UBAP1: variants seen among roughly 807,000 people sequenced by gnomAD.
The protein encoded by UBAP1 is ubiquitin-associated protein 1.
A neutral mutation model predicts 39.0 loss-of-function variants in UBAP1; 5 were observed. The ratio of observed to expected loss-of-function variants is 0.13; its 90% confidence interval spans 0.07 to 0.27. The LOEUF is 0.27. UBAP1 is among the 10% of genes least tolerant of loss of function. The pLI, the probability that UBAP1 is intolerant of heterozygous loss-of-function variation, is 1.00. For missense variants in UBAP1, 490 were observed against 608.1 expected (o/e 0.81, Z 2.04); for synonymous variants, 211 against 225.1 (o/e 0.94, Z 0.56).
intron 1 of UBAP1, among the ~76,000 whole-genome samples, chr9:34,214,550 AT>A: frequency 6.6e-6 from 1 of 152,236 alleles, no homozygotes; most frequent in Non-Finnish European, 1.5e-5. Flanking sequence ...AGAAGGTATC[AT>A]TGGAAAAACC....
rs1193356334 is a variant in UBAP1 at position 34,181,116 on chromosome 9, C to CTTTCTTTTTTTT, written c.-8+1879_-8+1880insCTTTTTTTTTTT. On this transcript the variant is annotated intron_variant, in intron 1 of 6. Coordinates refer to ENST00000297661, the MANE Select transcript of UBAP1 (RefSeq NM_016525.5). Reference sequence around the variant, plus strand: ...TGAGCCACCGCACCCGGCCTGTTTTCTTTTTTTTTTTTTTTTTGAGACAGA... The same window carrying CTTTCTTTTTTTT: ...TGAGCCACCGCACCCGGCCTGTTTTCTTTCTTTTTTTTTTTTTTTTTTTTTTTTTGAGACAGA... Among the ~76,000 whole-genome samples, 52 of 72,262 alleles carry CTTTCTTTTTTTT rather than the reference C, an allele frequency of 7.2e-4. 3 individuals carry two copies. Among genetic ancestry groups the CTTTCTTTTTTTT allele is most frequent in the South Asian group, 1.1e-3 (2 of 1,750 alleles). 47.4% of individuals were successfully genotyped at this position (72,262 alleles called of 152,430 possible).
At chr9:34,212,440 C>A (rs1832071130) in intron 1 of UBAP1, among the ~76,000 whole-genome samples, 1 of 141,530 alleles carries the variant, frequency 7.1e-6, no homozygotes, top group Non-Finnish European at 1.6e-5. Context: ...TAGTTATTTT[C>A]TATTTATTAT....
intron 4 of UBAP1, among the ~76,000 whole-genome samples, chr9:34,248,855 A>G (rs559362349): frequency 6.6e-6 from 1 of 152,264 alleles, no homozygotes; most frequent in East Asian, 1.9e-4. Context: ...TTTTGTGTGA[A>G]CATCTTCCCT....
At chr9:34,219,453 A>C (rs1832535263) in intron 1 of UBAP1, among the ~76,000 whole-genome samples, 1 of 152,138 alleles carries the variant, frequency 6.6e-6, no homozygotes, top group Non-Finnish European at 1.5e-5. Flanking sequence ...TTACCATATA[A>C]CGTTCAGAAA....
chr9:34,197,375 C>G (rs1307325076), intron 1 of UBAP1, among the ~76,000 whole-genome samples: 2 of 151,928 alleles, frequency 1.3e-5, no homozygotes, highest in Admixed American at 6.6e-5. Flanking sequence ...AGCCGGGGCT[C>G]AAGCAATCTG....
chr9:34,239,252 C>T (rs1833845962), intron 3 of UBAP1, among the ~76,000 whole-genome samples: 1 of 152,222 alleles, frequency 6.6e-6, no homozygotes, highest in Non-Finnish European at 1.5e-5. Context: ...GCCATGTTGA[C>T]CAGGCTGGTC....
intron 1 of UBAP1, among the ~76,000 whole-genome samples, chr9:34,182,620 TTTCTTTCTTTCTTTC>T: frequency 3.4e-5 from 1 of 29,248 alleles, no homozygotes; most frequent in Non-Finnish European, 6.6e-5. Flanking sequence ...TCTTTCCTTC[TTTCTTTCTTTCTTTC>T]TTTCTTTCTT....
intron 3 of UBAP1, among the ~76,000 whole-genome samples, chr9:34,238,471 C>G (rs749449591): frequency 1.4e-4 from 22 of 152,222 alleles, no homozygotes; most frequent in Non-Finnish European, 3.1e-4. Flanking sequence ...ATTTTACAAT[C>G]CCAGCAGCAC....
intron 1 of UBAP1, among the ~76,000 whole-genome samples, chr9:34,182,923 G>A (rs545701918): frequency 2.0e-4 from 31 of 151,814 alleles, no homozygotes; most frequent in African/African-American, 7.0e-4. Flanking sequence ...TGTTATCCAG[G>A]ATGGTCTCGA....
chr9:34,184,457 C>G (rs1830268502), intron 1 of UBAP1, among the ~76,000 whole-genome samples: 1 of 149,884 alleles, frequency 6.7e-6, no homozygotes, highest in Admixed American at 6.6e-5. Flanking sequence ...CGGTGAAACC[C>G]TGTCTCTACT....
At chr9:34,193,462 C>T (rs950179311) in intron 1 of UBAP1, among the ~76,000 whole-genome samples, 1 of 152,106 alleles carries the variant, frequency 6.6e-6, no homozygotes. Context: ...GCAGTGGACA[C>T]CAGCTCGGTG....
chr9:34,214,381 A>G (rs1420730517), intron 1 of UBAP1, among the ~76,000 whole-genome samples: 5 of 152,202 alleles, frequency 3.3e-5, no homozygotes, highest in African/African-American at 1.2e-4. Flanking sequence ...CTTACAGCCA[A>G]TTGATCTTCG....
chr9:34,247,198 T>G (rs1834222694), intron 4 of UBAP1, among the ~76,000 whole-genome samples: 1 of 152,114 alleles, frequency 6.6e-6, no homozygotes, highest in African/African-American at 2.4e-5. Context: ...TTTCAAACCT[T>G]GTCTGTCCGT....
intron 1 of UBAP1, among the ~76,000 whole-genome samples, chr9:34,201,747 C>CT (rs1251998757): frequency 6.6e-6 from 1 of 152,078 alleles, no homozygotes; most frequent in African/African-American, 2.4e-5. Flanking sequence ...CACTGTCTAC[C>CT]TGGAGATAGT....
At chr9:34,210,025 C>T (rs939054994) in intron 1 of UBAP1, among the ~76,000 whole-genome samples, 14 of 152,266 alleles carry the variant, frequency 9.2e-5, no homozygotes, top group Admixed American at 6.5e-4. Flanking sequence ...TTTCTATACG[C>T]TAGTGACTCC....
intron 1 of UBAP1, among the ~76,000 whole-genome samples, chr9:34,219,520 T>A (rs1419920892): frequency 6.6e-6 from 1 of 152,142 alleles, no homozygotes; most frequent in East Asian, 1.9e-4. Flanking sequence ...CCATTGTAAA[T>A]ATTTTTTATG....
chr9:34,237,534 C>A (rs1286127718), intron 3 of UBAP1, among the ~76,000 whole-genome samples: 1 of 152,144 alleles, frequency 6.6e-6, no homozygotes, highest in Non-Finnish European at 1.5e-5. Context: ...ATATAATTCA[C>A]ATACCATGAA....
At chr9:34,221,654 T>C (rs1224586306) in intron 2 of UBAP1, among the ~76,000 whole-genome samples, 1 of 152,106 alleles carries the variant, frequency 6.6e-6, no homozygotes, top group Non-Finnish European at 1.5e-5. Context: ...TTTAGTTTAG[T>C]TCCCTGTGCC....
intron 1 of UBAP1, among the ~76,000 whole-genome samples, chr9:34,207,169 A>G (rs1831753771): frequency 6.8e-6 from 1 of 145,996 alleles, no homozygotes; most frequent in Non-Finnish European, 1.5e-5. Flanking sequence ...CTCCTGCCTC[A>G]GCCTCTGGAG....
Sources: gnomAD v4.1 joint callset for allele counts (sites outside exome capture counted in the v4.1 genomes callset) on GRCh38, gnomAD v4.1.1 for gene constraint, MANE v1.5 for transcripts, NCBI Gene and HGNC (gene_info 2026-07-23, HGNC 2026-07-21) for gene names.